The following LAMC3 variants were observed in gnomAD, a reference collection of about 807,000 sequenced individuals.
The protein encoded by LAMC3 is laminin subunit gamma 3.
LAMC3 carries 128 observed loss-of-function variants against 173.8 expected under a neutral mutation model. The observed-to-expected ratio is 0.74, with a 90% CI of 0.64 to 0.85. The LOEUF (loss-of-function observed/expected upper bound fraction) is 0.85. LAMC3 is among the 40% of genes least tolerant of loss of function. LAMC3 has a pLI of 0.00. For synonymous variants in LAMC3, 897 were observed against 909.1 expected (o/e 0.99, Z 0.24); for missense variants, 2,022 against 2,156.0 (o/e 0.94, Z 1.23).
intron 22 of LAMC3, 99 bp downstream of exon 22, chr9:131,077,433 T>G (rs1220731350): frequency 3.3e-6 from 5 of 1,496,556 alleles, no homozygotes; most frequent in Non-Finnish European, 4.6e-6. Context: ...TCGCAGCACT[T>G]TGGGAGGCCG....
At chr9:131,074,887 T>C (rs189063567) in intron 20 of LAMC3, among the ~76,000 whole-genome samples, 181 of 152,248 alleles carry the variant, frequency 1.2e-3, no homozygotes, top group African/African-American at 4.1e-3. Flanking sequence ...ACCCAGGCTG[T>C]CGTGACCACT....
intron 1 of LAMC3, among the ~76,000 whole-genome samples, chr9:131,012,922 G>A (rs902674529): frequency 1.8e-4 from 27 of 152,366 alleles, no homozygotes; most frequent in Non-Finnish European, 3.5e-4. Context: ...CGTCATCTCT[G>A]AGCTGAGCCT....
At chr9:131,012,048 AACACACACACACAT>A (rs1213817992) in intron 1 of LAMC3, among the ~76,000 whole-genome samples, 1 of 138,130 alleles carries the variant, frequency 7.2e-6, no homozygotes, top group Non-Finnish European at 1.6e-5. Flanking sequence ...GTAGAGAGCG[AACACACACACACAT>A]ACACACACAC....
rs765190157 is a variant in LAMC3 at position 131,084,894 on chromosome 9, G to A, written c.4031-630G>A. Among the ~76,000 whole-genome samples the A allele has an allele frequency of 9.5e-5, 14 of 147,440 alleles. No individual in the cohort carries two copies. The South Asian group carries it at 1.5e-3, about 16-fold the overall frequency. On this transcript the variant is annotated intron_variant, in intron 24 of 27. Coordinates refer to ENST00000361069, the MANE Select transcript of LAMC3 (RefSeq NM_006059.4). The stretch of plus-strand genomic sequence containing the variant: ...AGCCTGGGTGACAGAGCGAGACCTT[G>A]TCTCACTGCACTCCAGCCTGGGTGA...
intron 24 of LAMC3, among the ~76,000 whole-genome samples, chr9:131,085,322 C>G (rs1334386022): frequency 6.6e-6 from 1 of 152,172 alleles, no homozygotes; most frequent in African/African-American, 2.4e-5. Context: ...TCAAAATTCC[C>G]CAAGCAGTAT....
intron 22 of LAMC3, among the ~76,000 whole-genome samples, chr9:131,078,777 G>T (rs566166816): frequency 6.6e-6 from 1 of 152,362 alleles, no homozygotes; most frequent in East Asian, 1.9e-4. Flanking sequence ...AGCTGGGGAA[G>T]CATTCCCACT....
rs111470950 is a variant in LAMC3 at position 131,093,746 on chromosome 9, C to G, written c.*1959C>G. On this transcript the variant is annotated 3_prime_UTR_variant, in exon 28 of 28. Transcript: ENST00000361069. The stretch of plus-strand genomic sequence containing the variant: ...GGATAGGTTGGCTTCCCTCTTCCCC[C>G]CTCCCGCCTCTCTTCTTGGTCTGTG... 896 of 152,396 alleles carry G rather than the reference C, an allele frequency of 5.9e-3. 4 individuals are homozygous for G. Among genetic ancestry groups the G allele is most frequent in the Middle Eastern group, 0.01 (3 of 292 alleles). The allele number at this position is 152,396 out of a possible 1,614,324, so 9.4% of individuals were successfully genotyped here.
At chr9:131,074,462 G>A (rs1830088596) in intron 20 of LAMC3, among the ~76,000 whole-genome samples, 2 of 151,974 alleles carry the variant, frequency 1.3e-5, no homozygotes, top group African/African-American at 4.8e-5. Flanking sequence ...TTGGGAGGCT[G>A]AGACAGGTGG....
intron 3 of LAMC3, among the ~76,000 whole-genome samples, chr9:131,032,507 GCTCT>G (rs1460843766): frequency 1.5e-3 from 126 of 82,470 alleles, no homozygotes; most frequent in African/African-American, 3.8e-3. Context: ...TCTCTCACTC[GCTCT>G]CTCTCTCTTG....
chr9:131,076,309 T>A (rs1830125344), intron 21 of LAMC3, among the ~76,000 whole-genome samples: 1 of 151,746 alleles, frequency 6.6e-6, no homozygotes, highest in Non-Finnish European at 1.5e-5. Context: ...TCCTCTGAGC[T>A]CCTCTGAGGC....
chr9:131,056,370 C>T (rs1007500355), intron 11 of LAMC3, among the ~76,000 whole-genome samples: 2 of 152,104 alleles, frequency 1.3e-5, no homozygotes, highest in East Asian at 1.9e-4. Context: ...ATGGTATCAT[C>T]GTTGTTTAAA....
chr9:131,020,581 A>G (rs1833607376), intron 1 of LAMC3, among the ~76,000 whole-genome samples: 1 of 152,250 alleles, frequency 6.6e-6, no homozygotes, highest in African/African-American at 2.4e-5. Flanking sequence ...ATTCTGAGGT[A>G]CAGTCTGAGC....
intron 13 of LAMC3, among the ~76,000 whole-genome samples, chr9:131,065,692 G>C (rs190935790): frequency 6.6e-6 from 1 of 152,220 alleles, no homozygotes; most frequent in Non-Finnish European, 1.5e-5. Context: ...ACTGTGACCC[G>C]TGTCTGGCCA....
chr9:131,053,088 C>A, intron 11 of LAMC3, 123 bp downstream of exon 11: 1 of 779,464 alleles, frequency 1.3e-6, no homozygotes, highest in Non-Finnish European at 2.2e-6. Context: ...CCTGTTTTGC[C>A]AAGAAGGAAC....
intron 12 of LAMC3, among the ~76,000 whole-genome samples, chr9:131,057,692 A>T (rs1213455720): frequency 1.3e-5 from 2 of 152,164 alleles, no homozygotes; most frequent in African/African-American, 4.8e-5. Flanking sequence ...TAAGGTGGAG[A>T]TAATGACAGT....
chr9:131,053,974 G>T lies in LAMC3; in HGVS notation c.1939+1009G>T, dbSNP rs79876645. ...GTAGTGACTGTGCCACTGCACTCCA[G>T]CCTGGGTGACAAAGCGAGACCTTGT... On this transcript the variant is annotated intron_variant, in intron 11 of 27. Transcript: ENST00000361069. 1.7e-3 allele frequency among the ~76,000 whole-genome samples: 255 copies of T among 151,708 alleles called. 1 individual carries two copies. Among genetic ancestry groups the T allele is most frequent in the Admixed American group, 3.0e-3 (45 of 15,226 alleles).
intron 13 of LAMC3, among the ~76,000 whole-genome samples, chr9:131,064,821 A>AC (rs1829897160): frequency 6.6e-6 from 1 of 151,968 alleles, no homozygotes; most frequent in Admixed American, 6.6e-5. Flanking sequence ...CAGGCGGATC[A>AC]CCTGAGGTCA....
intron 16 of LAMC3, 135 bp from the exon 17 acceptor site, chr9:131,069,537 A>G: frequency 1.2e-6 from 1 of 833,170 alleles, no homozygotes; most frequent in Admixed American, 2.0e-5. Context: ...AGGGCCCAGG[A>G]ATGTTTTTGA....
rs573865755 is a variant in LAMC3 at position 131,086,930 on chromosome 9, G to T, written c.4231-546G>T. Among the ~76,000 whole-genome samples, 13 of 151,750 alleles carry T rather than the reference G, an allele frequency of 8.6e-5. No homozygotes were observed. In the East Asian group the frequency reaches 2.3e-3, roughly 27 times the overall value. ...AAAAAGATTGGGGTCTCACTATGTTGCCCAGGCTGGTCTTGAACCTCTGGT... is the reference window on the plus strand; with the variant it reads ...AAAAAGATTGGGGTCTCACTATGTTTCCCAGGCTGGTCTTGAACCTCTGGT... On this transcript the variant is annotated intron_variant, in intron 25 of 27. Coordinates refer to ENST00000361069, the MANE Select transcript of LAMC3 (RefSeq NM_006059.4).
Sources: allele counts gnomAD v4.1 joint callset (sites outside exome capture counted in the v4.1 genomes callset), GRCh38; gene constraint gnomAD v4.1.1; transcripts MANE v1.5; gene names NCBI Gene and HGNC (gene_info 2026-07-23, HGNC 2026-07-21).